The following STXBP6 variants were observed in gnomAD, a reference collection of about 807,000 sequenced individuals.
STXBP6 encodes the protein syntaxin-binding protein 6.
Under a neutral mutation model 26.9 loss-of-function variants are expected in STXBP6, and 21 were observed. The observed-to-expected ratio is 0.78, with a 90% confidence interval of 0.55 to 1.12. The LOEUF is 1.12. Among genes scored for constraint, STXBP6 ranks in the 50% most tolerant of loss-of-function variants. The probability of loss-of-function intolerance (pLI) is 0.00; values close to 1 mark genes in which losing one functional copy is unlikely to be tolerated. For missense variants in STXBP6, 232 were observed against 257.9 expected (o/e 0.90, Z 0.69); for synonymous variants, 97 against 92.6 (o/e 1.05, Z -0.27).
Position 24,858,831 on chromosome 14 carries a change from A to T in STXBP6, c.155-1674T>A, listed in dbSNP as rs191851455. ...GCAGGTCTTAAAATGTGCTTAAAAG[A>T]TTAAAAAAGGCTTTTCAATAACAGG... On this transcript the variant is annotated intron_variant, in intron 2 of 5. Coordinates refer to ENST00000323944, the MANE Select transcript of STXBP6 (RefSeq NM_001394410.1). 4.7e-3 allele frequency among the ~76,000 whole-genome samples: 712 copies of T among 152,290 alleles called. 6 individuals carry two copies. Among genetic ancestry groups the T allele is most frequent in the African/African-American group, 0.017 (690 of 41,580 alleles).
chr14:25,046,729 T>C (rs1427885458), intron 1 of STXBP6, among the ~76,000 whole-genome samples: 1 of 152,158 alleles, frequency 6.6e-6, no homozygotes, highest in Non-Finnish European at 1.5e-5. Flanking sequence ...ACAGTCTAGG[T>C]CATAGGAAGT....
intron 1 of STXBP6, among the ~76,000 whole-genome samples, chr14:25,020,335 G>C (rs998541092): frequency 6.6e-6 from 1 of 152,212 alleles, no homozygotes; most frequent in Admixed American, 6.5e-5. Context: ...ATCACTCCTA[G>C]TATATATTTT....
intron 1 of STXBP6, among the ~76,000 whole-genome samples, chr14:25,004,136 A>C (rs1190756326): frequency 2.6e-5 from 4 of 152,184 alleles, no homozygotes; most frequent in Non-Finnish European, 5.9e-5. Flanking sequence ...TTGCCAAAAA[A>C]GAAGAAGGCA....
At chr14:24,899,640 G>A (rs2071128295) in intron 2 of STXBP6, among the ~76,000 whole-genome samples, 1 of 152,018 alleles carries the variant, frequency 6.6e-6, no homozygotes, top group South Asian at 2.1e-4. Context: ...AATTAGCTGG[G>A]TGTGGTGGCA....
At chr14:25,036,737 T>C (rs1191852180) in intron 1 of STXBP6, among the ~76,000 whole-genome samples, 2 of 150,726 alleles carry the variant, frequency 1.3e-5, no homozygotes, top group African/African-American at 4.9e-5. Context: ...GCGCCTGTAG[T>C]CCCAGCTACT....
At chr14:24,924,179 C>T (rs1338505625) in intron 2 of STXBP6, among the ~76,000 whole-genome samples, 2 of 152,068 alleles carry the variant, frequency 1.3e-5, no homozygotes, top group African/African-American at 2.4e-5. Flanking sequence ...GGATGTCATC[C>T]GTGTGGGGCA....
At position 24,958,383 on chromosome 14, in the gene STXBP6, T is replaced by C. The variant is rs568560648; in HGVS notation, c.154+16282A>G. Among the ~76,000 whole-genome samples the C allele has an allele frequency of 4.6e-5, 7 of 152,264 alleles. No homozygotes were observed. The East Asian group carries it at 1.2e-3, about 25-fold the overall frequency. On this transcript the variant is annotated intron_variant, in intron 2 of 5. Transcript: ENST00000323944. ...AAACTCTCCCCCTGCTTGTGACCTA[T>C]AAGGTATTTCCAGCCCAGACTCAAA...
intron 4 of STXBP6, among the ~76,000 whole-genome samples, chr14:24,851,239 C>CTTTT (rs370916171): frequency 8.2e-5 from 12 of 146,392 alleles, no homozygotes; most frequent in East Asian, 7.9e-4. Flanking sequence ...GACCACGTCT[C>CTTTT]TTTTTTTTTT....
chr14:24,817,191 C>T (rs1386340746), intron 5 of STXBP6: 1 of 152,158 alleles, frequency 6.6e-6, no homozygotes, highest in Non-Finnish European at 1.5e-5. Context: ...CCAATTGCCT[C>T]GCAAACTTGG....
Position 25,049,261 on chromosome 14 carries a change from G to C in STXBP6, c.-33+617C>G, listed in dbSNP as rs573587153. On this transcript the variant is annotated intron_variant, in intron 1 of 5. Transcript: ENST00000323944. This position sits in a 1 kb window ranked among gnomAD's most constrained non-coding sequence, Gnocchi z 5.6. ...GGTGAGGCTCGATGCCGGCGTGCAC[G>C]GCAAGCGCGAATTCGGAACCTGGCG... The C allele has an allele frequency of 3.4e-4, 333 of 985,466 alleles. No individual in the cohort carries two copies. In the African/African-American group the frequency reaches 4.8e-3, roughly 14 times the overall value. The allele number at this position is 985,466 out of a possible 1,614,324, so 61.0% of individuals were successfully genotyped here.
intron 2 of STXBP6, among the ~76,000 whole-genome samples, chr14:24,866,643 T>C (rs776612295): frequency 8.6e-5 from 13 of 151,946 alleles, no homozygotes; most frequent in Admixed American, 6.6e-4. Context: ...CTGAAAGAAA[T>C]TGAAGACTTA....
chr14:24,852,649 G>GA (rs1188860455), intron 4 of STXBP6, among the ~76,000 whole-genome samples: 3 of 151,988 alleles, frequency 2.0e-5, no homozygotes, highest in South Asian at 4.1e-4. Context: ...TTCTTAGGAT[G>GA]AAAAAAATAG....
At chr14:25,043,788 T>C (rs1256089201) in intron 1 of STXBP6, among the ~76,000 whole-genome samples, 3 of 152,220 alleles carry the variant, frequency 2.0e-5, no homozygotes, top group East Asian at 1.9e-4. Flanking sequence ...TTCCTTTCTA[T>C]GTTTGAATAG....
chr14:24,977,984 A>G (rs1237203928), intron 1 of STXBP6, among the ~76,000 whole-genome samples: 1 of 152,232 alleles, frequency 6.6e-6, no homozygotes, highest in Admixed American at 6.5e-5. Flanking sequence ...GAAATTATCA[A>G]AAGTTTTTAT....
chr14:25,000,305 C>T (rs1201613636), intron 1 of STXBP6, among the ~76,000 whole-genome samples: 7 of 151,750 alleles, frequency 4.6e-5, no homozygotes, highest in Admixed American at 1.3e-4. Context: ...CCTCGTGATA[C>T]GCCCGCCTCG....
chr14:25,047,498 T>G (rs990328777), intron 1 of STXBP6, among the ~76,000 whole-genome samples: 4 of 152,212 alleles, frequency 2.6e-5, no homozygotes, highest in African/African-American at 9.7e-5. Context: ...TCCCACTCCA[T>G]AAGTTAGTGA....
At chr14:24,864,050 A>G (rs1208263233) in intron 2 of STXBP6, among the ~76,000 whole-genome samples, 1 of 152,174 alleles carries the variant, frequency 6.6e-6, no homozygotes, top group Non-Finnish European at 1.5e-5. Context: ...TAGACAAGGA[A>G]GATAATGGAA....
chr14:25,008,634 T>C (rs1238293696), intron 1 of STXBP6, among the ~76,000 whole-genome samples: 1 of 152,250 alleles, frequency 6.6e-6, no homozygotes, highest in Non-Finnish European at 1.5e-5. Context: ...GAGAACAGCG[T>C]CTATTGGCAA....
At chr14:24,984,686 C>T (rs2074288576) in intron 1 of STXBP6, among the ~76,000 whole-genome samples, 1 of 152,160 alleles carries the variant, frequency 6.6e-6, no homozygotes, top group African/African-American at 2.4e-5. Context: ...GCAATTTCCC[C>T]ATCTGTCAGC....
Sources: allele counts gnomAD v4.1 joint callset (sites outside exome capture counted in the v4.1 genomes callset), GRCh38; gene constraint gnomAD v4.1.1; non-coding constraint Gnocchi (gnomAD v3.1); transcripts MANE v1.5; gene names NCBI Gene and HGNC (gene_info 2026-07-23, HGNC 2026-07-21).